FAM133B: variants seen among roughly 807,000 people sequenced by gnomAD.
FAM133B encodes protein FAM133B.
A neutral mutation model predicts 46.4 loss-of-function variants in FAM133B; 25 were observed. That is an observed-to-expected ratio of 0.54 (90% CI 0.39 to 0.75). The LOEUF is 0.75. Ranked by LOEUF, FAM133B falls within the 30% of genes least tolerant of loss-of-function variation. The pLI is 0.00. For missense variants in FAM133B, 205 were observed against 277.6 expected (o/e 0.74, Z 1.86); for synonymous variants, 75 against 86.0 (o/e 0.87, Z 0.71).
At position 92,562,471 on chromosome 7, in the gene FAM133B, A is replaced by T. The variant is rs1162966144; in HGVS notation, c.658-103T>A. The T allele has an allele frequency of 9.2e-6, 13 of 1,418,886 alleles. No homozygotes were observed. In the East Asian group the frequency reaches 3.4e-4, roughly 37 times the overall value. 87.9% of individuals were successfully genotyped at this position (1,418,886 alleles called of 1,614,324 possible). ...TACCACATAATTCCAAACAATCCAC[A>T]CAACCAAGAAAACTACTCAAAACAT... On this transcript the variant is annotated intron_variant, in intron 10 of 10. Transcript: ENST00000445716.
chr7:92,584,060 A>AG (rs1794968128), intron 1 of FAM133B, among the ~76,000 whole-genome samples: 1 of 148,680 alleles, frequency 6.7e-6, no homozygotes, highest in Non-Finnish European at 1.5e-5. Context: ...AAAAAAAAAA[A>AG]AAAAAAAAAA....
chr7:92,579,849 CA>C (rs1463381214), intron 2 of FAM133B, among the ~76,000 whole-genome samples: 2 of 152,098 alleles, frequency 1.3e-5, no homozygotes, highest in African/African-American at 4.8e-5. Flanking sequence ...ATATATGACC[CA>C]TTTAATAAGG....
intron 9 of FAM133B, 145 bp downstream of exon 9, chr7:92,569,678 T>C (rs1202445232): frequency 2.4e-6 from 1 of 408,738 alleles, no homozygotes; most frequent in African/African-American, 2.1e-5. Flanking sequence ...AAACTCATTC[T>C]GAAATGAAAT....
At chr7:92,577,272 T>A (rs1012187087) in intron 6 of FAM133B, 77 bp from the exon 7 acceptor site, 5 of 985,140 alleles carry the variant, frequency 5.1e-6, no homozygotes, top group Non-Finnish European at 2.8e-6. Context: ...ATAAAACTTT[T>A]ATCAGTGAAC....
At chr7:92,572,309 A>G (rs1388834273) in intron 8 of FAM133B, among the ~76,000 whole-genome samples, 1 of 152,246 alleles carries the variant, frequency 6.6e-6, no homozygotes, top group East Asian at 1.9e-4. Flanking sequence ...GGGTATTTTT[A>G]TACACTAGCA....
At chr7:92,566,138 T>A in intron 9 of FAM133B, 77 bp from the exon 10 acceptor site, 1 of 1,341,036 alleles carries the variant, frequency 7.5e-7, no homozygotes, top group Non-Finnish European at 1.0e-6. Flanking sequence ...TTTCATTCTC[T>A]ATCTTGCATC....
intron 1 of FAM133B, among the ~76,000 whole-genome samples, chr7:92,583,639 A>T (rs898601213): frequency 1.3e-5 from 2 of 152,198 alleles, no homozygotes; most frequent in East Asian, 3.8e-4. Flanking sequence ...GTTTTATTAA[A>T]ATTCGCATTG....
intron 8 of FAM133B, among the ~76,000 whole-genome samples, chr7:92,573,464 C>CT (rs113673654): frequency 5.8e-4 from 84 of 144,500 alleles, no homozygotes; most frequent in Middle Eastern, 7.2e-3. Flanking sequence ...CTTTTTTCTT[C>CT]TTTTTTTTTT....
intron 9 of FAM133B, among the ~76,000 whole-genome samples, chr7:92,566,641 C>T (rs1415287999): frequency 2.0e-5 from 3 of 152,064 alleles, no homozygotes; most frequent in Non-Finnish European, 1.5e-5. Context: ...CACCTTGTCT[C>T]AAAACAGGCA....
intron 1 of FAM133B, 87 bp downstream of exon 1, chr7:92,590,180 CT>C (rs1319752273): frequency 1.9e-6 from 3 of 1,606,440 alleles, no homozygotes; most frequent in Non-Finnish European, 2.6e-6. Context: ...GCCGCTTGCC[CT>C]CCGGCCCGGC....
intron 1 of FAM133B, chr7:92,589,965 C>T (rs1008352149): frequency 7.1e-5 from 34 of 477,582 alleles, no homozygotes; most frequent in African/African-American, 6.7e-4. Context: ...CCCGAGCCCT[C>T]GCGGTTCTAA....
At position 92,590,331 on chromosome 7, in the gene FAM133B, C is replaced by T. The variant is rs758434583; in HGVS notation, c.-40G>A. ...CGCACAGTAGCACGCCGAGGGAAAC[C>T]GGGCCGGAGAGACTGCCGAAGAGGG... On this transcript the variant is annotated 5_prime_UTR_variant, in exon 1 of 11. Transcript: ENST00000445716. 1 of 1,613,180 alleles carries T rather than the reference C, an allele frequency of 6.2e-7. No homozygotes were observed. The highest frequency in any genetic ancestry group is 1.1e-5 in the South Asian group (1 of 91,020).
chr7:92,579,244 G>C, intron 3 of FAM133B, 73 bp downstream of exon 3: 1 of 1,348,572 alleles, frequency 7.4e-7, no homozygotes, highest in Non-Finnish European at 1.0e-6. Flanking sequence ...CTCCCAAAGT[G>C]CTGGAATTAT....
At chr7:92,567,261 T>C (rs1794381550) in intron 9 of FAM133B, among the ~76,000 whole-genome samples, 1 of 152,198 alleles carries the variant, frequency 6.6e-6, no homozygotes, top group Non-Finnish European at 1.5e-5. Flanking sequence ...AAAGCTTTCA[T>C]AAACTTTCGT....
chr7:92,584,919 G>T (rs1794997145), intron 1 of FAM133B, among the ~76,000 whole-genome samples: 1 of 152,124 alleles, frequency 6.6e-6, no homozygotes, highest in Admixed American at 6.5e-5. Context: ...CTGTAATCTA[G>T]CACTTTGGGA....
rs545636218 is a variant in FAM133B at position 92,587,090 on chromosome 7, G to A, written c.24+3178C>T. ...GAGCTGCACAAGTGTGGAGGTATAT[G>A]GGAACCCTCTGTACTTTCTGTTCAA... On this transcript the variant is annotated intron_variant, in intron 1 of 10. Coordinates refer to ENST00000445716, the MANE Select transcript of FAM133B (RefSeq NM_152789.4). 2.0e-5 allele frequency among the ~76,000 whole-genome samples: 3 copies of A among 151,494 alleles called. No individual in the cohort carries two copies. The East Asian group carries it at 6.2e-4, about 31-fold the overall frequency.
At chr7:92,575,568 A>T (rs1234770862) in intron 8 of FAM133B, among the ~76,000 whole-genome samples, 1 of 152,254 alleles carries the variant, frequency 6.6e-6, no homozygotes, top group African/African-American at 2.4e-5. Context: ...TAATCTATAT[A>T]AATTCAAACT....
intron 1 of FAM133B, among the ~76,000 whole-genome samples, chr7:92,583,772 G>A (rs1358475460): frequency 2.0e-5 from 3 of 151,962 alleles, no homozygotes; most frequent in Admixed American, 2.0e-4. Flanking sequence ...GGGTCAGCCA[G>A]GCGCGGTGGC....
chr7:92,566,967 T>C (rs1231422470), intron 9 of FAM133B, among the ~76,000 whole-genome samples: 1 of 152,194 alleles, frequency 6.6e-6, no homozygotes, highest in Non-Finnish European at 1.5e-5. Context: ...TCCCAGCGCT[T>C]TGATAGGCCA....
Sources: gnomAD v4.1 joint callset for allele counts (sites outside exome capture counted in the v4.1 genomes callset) on GRCh38, gnomAD v4.1.1 for gene constraint, MANE v1.5 for transcripts, NCBI Gene and HGNC (gene_info 2026-07-23, HGNC 2026-07-21) for gene names.